FASTKD1: variants seen among roughly 807,000 people sequenced by gnomAD.
FASTKD1 encodes the protein FAST kinase domains 1.
In FASTKD1, 94 loss-of-function variants were observed where a neutral mutation model predicts 90.9. That is an observed-to-expected ratio of 1.03 (90% CI 0.88 to 1.23). The LOEUF (loss-of-function observed/expected upper bound fraction) is 1.23. Among genes scored for constraint, FASTKD1 ranks in the 50% most tolerant of loss-of-function variants. The probability of loss-of-function intolerance (pLI) is 0.00; values close to 1 mark genes in which losing one functional copy is unlikely to be tolerated. For missense variants in FASTKD1, 945 were observed against 993.5 expected, an observed-to-expected ratio of 0.95 and a Z score of 0.66; for synonymous variants, 319 against 345.8, an observed-to-expected ratio of 0.92 and a Z score of 0.86.
chr2:169,557,063 A>G (rs1683353034), intron 6 of FASTKD1, 124 bp downstream of exon 6: 1 of 675,906 alleles, frequency 1.5e-6, no homozygotes, highest in Non-Finnish European at 2.6e-6. Context: ...CAGTGGCTTA[A>G]GCATTAATTC....
chr2:169,559,704 C>T (rs1271814756), intron 5 of FASTKD1, among the ~76,000 whole-genome samples: 1 of 152,260 alleles, frequency 6.6e-6, no homozygotes, highest in Admixed American at 6.5e-5. Flanking sequence ...AGGCGTGCAA[C>T]GCCGTGCCCA....
At chr2:169,553,655 C>T (rs12475814) in intron 7 of FASTKD1, among the ~76,000 whole-genome samples, 11,407 of 152,220 alleles carry the variant, frequency 0.075, 567 homozygotes, top group South Asian at 0.21. Context: ...CAGTGGCTCA[C>T]GCCTGTAATC....
At chr2:169,559,705 G>A (rs1375903923) in intron 5 of FASTKD1, among the ~76,000 whole-genome samples, 1 of 152,236 alleles carries the variant, frequency 6.6e-6, no homozygotes, top group Non-Finnish European at 1.5e-5. Context: ...GGCGTGCAAC[G>A]CCGTGCCCAG....
At chr2:169,551,736 T>G (rs1685499208) in intron 7 of FASTKD1, among the ~76,000 whole-genome samples, 2 of 152,008 alleles carry the variant, frequency 1.3e-5, no homozygotes, top group Admixed American at 1.3e-4. Flanking sequence ...GAGGTTGCAG[T>G]GAGCCGAGAT....
At position 169,529,801 on chromosome 2, in the gene FASTKD1, G is replaced by A. The variant is rs376794732; in HGVS notation, c.*24C>T. On this transcript the variant is annotated 3_prime_UTR_variant, in exon 15 of 15. Coordinates refer to ENST00000453153, the MANE Select transcript of FASTKD1 (RefSeq NM_024622.6). ...TAAAATAGGTCCAAATGTAACACAC[G>A]ATAACATTCATTTTAAATAAAAACT... 2.7e-3 allele frequency: 4,006 copies of A among 1,503,552 alleles called. 10 individuals carry two copies. Among genetic ancestry groups the A allele is most frequent in the Non-Finnish European group, 3.2e-3 (3,515 of 1,087,944 alleles). The allele number at this position is 1,503,552 out of a possible 1,614,324, so 93.1% of individuals were successfully genotyped here.
intron 10 of FASTKD1, 112 bp from the exon 11 acceptor site, chr2:169,538,253 T>C: frequency 1.2e-6 from 1 of 831,652 alleles, no homozygotes; most frequent in South Asian, 1.8e-5. Context: ...ATTCTAACAG[T>C]ATTTAGAACT....
intron 4 of FASTKD1, among the ~76,000 whole-genome samples, chr2:169,562,045 A>T (rs1400928087): frequency 4.6e-5 from 5 of 109,026 alleles, no homozygotes; most frequent in African/African-American, 6.7e-5. Flanking sequence ...ATTTATTGTA[A>T]ATTAATTATT....
Position 169,560,559 on chromosome 2 carries a change from A to G in FASTKD1, c.799T>C (p.Ser267Pro). ...LSNVDHLDLD[S>P]ISKILSVYKF... is the part of the protein sequence containing the mutation. ...TATACACTAAGTATTTTACTGATGG[A>G]ATCCAAATCAAGGTGGTCCACATTA... Residue 267 changes from serine to proline, a missense_variant, in exon 5 of 15, where the codon TCC becomes CCC. Physicochemically the swap from Ser to Pro is moderately conservative, Grantham distance 74. Coordinates refer to ENST00000453153, the MANE Select transcript of FASTKD1 (RefSeq NM_024622.6). 1.2e-6 allele frequency: 2 copies of G among 1,604,254 alleles called. No individual in the cohort carries two copies. The highest frequency in any genetic ancestry group is 1.7e-6 in the Non-Finnish European group (2 of 1,175,982).
chr2:169,538,227 A>G, intron 10 of FASTKD1, 86 bp from the exon 11 acceptor site: 1 of 1,059,608 alleles, frequency 9.4e-7, no homozygotes, highest in Non-Finnish European at 1.4e-6. Context: ...TATCCCCACT[A>G]TTAGTAGATG....
In FASTKD1 at chr2:169,571,870, C is replaced by A. The variant is rs1414401738; in HGVS notation, c.160G>T (p.Gly54Cys). ...ATGGCTTTGTTTCTTTCAATAAAAC[C>A]AAACATTTGCTCCTCATCTGTACAC... is the stretch of plus-strand genomic sequence containing the variant. ...NKCTDEEQMF[G>C]FIERNKAILS... Residue 54 changes from glycine to cysteine, a missense_variant, in exon 2 of 15, where the codon GGT becomes TGT. Gly to Cys is a radical substitution (Grantham distance 159). Coordinates refer to ENST00000453153, the MANE Select transcript of FASTKD1 (RefSeq NM_024622.6). The A allele has an allele frequency of 6.2e-7, 1 of 1,613,870 alleles. No homozygotes were observed. Among genetic ancestry groups the A allele is most frequent in the Non-Finnish European group, 8.5e-7 (1 of 1,179,996 alleles).
chr2:169,559,953 C>T (rs1683504356), intron 5 of FASTKD1, among the ~76,000 whole-genome samples: 1 of 152,218 alleles, frequency 6.6e-6, no homozygotes, highest in Admixed American at 6.5e-5. Context: ...GACATGGGAA[C>T]ATATGCCCAG....
At position 169,572,019 on chromosome 2, in the gene FASTKD1, GTTT is replaced by G; in HGVS notation, c.8_10del (p.Lys3del). 1 of 1,565,870 alleles carries G rather than the reference GTTT, an allele frequency of 6.4e-7. No individual in the cohort carries two copies. The highest frequency in any genetic ancestry group is 8.6e-7 in the Non-Finnish European group (1 of 1,156,632). On this transcript the variant is annotated inframe_deletion, in exon 2 of 15. Transcript: ENST00000453153. ...AACCAATGACTCTAGGAAAACAGGT[GTTT>G]TTTTCATTTATATCACAAGTTTTCT...
At chr2:169,547,538 A>G (rs888093336) in intron 7 of FASTKD1, among the ~76,000 whole-genome samples, 4 of 152,212 alleles carry the variant, frequency 2.6e-5, no homozygotes, top group African/African-American at 4.8e-5. Flanking sequence ...GTTATGAACT[A>G]GTAACTAGGA....
At chr2:169,559,457 G>GT (rs1427797531) in intron 5 of FASTKD1, among the ~76,000 whole-genome samples, 7 of 151,638 alleles carry the variant, frequency 4.6e-5, no homozygotes, top group African/African-American at 1.5e-4. Context: ...TTGAGACAAG[G>GT]TTTCATTCTG....
chr2:169,542,975 G>C (rs1685022793), intron 9 of FASTKD1, among the ~76,000 whole-genome samples: 1 of 152,144 alleles, frequency 6.6e-6, no homozygotes, highest in Non-Finnish European at 1.5e-5. Flanking sequence ...TGTTTAATCT[G>C]AACCTAACCA....
At chr2:169,555,507 T>C (rs1450685177) in intron 6 of FASTKD1, among the ~76,000 whole-genome samples, 1 of 152,210 alleles carries the variant, frequency 6.6e-6, no homozygotes, top group Non-Finnish European at 1.5e-5. Flanking sequence ...GAGAAAAGCA[T>C]AGTTTTTCTT....
At chr2:169,532,814 G>C (rs1163463719) in intron 12 of FASTKD1, among the ~76,000 whole-genome samples, 1 of 152,070 alleles carries the variant, frequency 6.6e-6, no homozygotes, top group Non-Finnish European at 1.5e-5. Flanking sequence ...CTTAAAACAG[G>C]AAAAGCAAAG....
At position 169,529,526 on chromosome 2, in the gene FASTKD1, C is replaced by T. The variant is rs570691946; in HGVS notation, c.*299G>A. Among the ~76,000 whole-genome samples, 3 of 152,266 alleles carry T rather than the reference C, an allele frequency of 2.0e-5. No individual in the cohort carries two copies. Among genetic ancestry groups the T allele is most frequent in the South Asian group, 2.1e-4 (1 of 4,814 alleles). On this transcript the variant is annotated 3_prime_UTR_variant, in exon 15 of 15. Transcript: ENST00000453153. ...TATCTCAACAAGGTAGCCAAAGTAA[C>T]GCAGTTAAAATGTGAATTCATATCA...
chr2:169,563,590 CAG>C (rs1255907420), intron 3 of FASTKD1, among the ~76,000 whole-genome samples: 8 of 151,840 alleles, frequency 5.3e-5, no homozygotes, highest in Admixed American at 1.3e-4. Context: ...TTTTAGATGA[CAG>C]AACAATTTTG....
Sources: gnomAD v4.1 joint callset for allele counts (sites outside exome capture counted in the v4.1 genomes callset) on GRCh38, gnomAD v4.1.1 for gene constraint, MANE v1.5 for transcripts, NCBI Gene and HGNC (gene_info 2026-07-23, HGNC 2026-07-21) for gene names.